Variants in SRRM3 observed in about 807,000 individuals in gnomAD.
SRRM3 encodes the protein serine/arginine repetitive matrix protein 3.
In SRRM3, 27 loss-of-function variants were observed where a neutral mutation model predicts 66.2. The ratio of observed to expected loss-of-function variants is 0.41; its 90% confidence interval spans 0.30 to 0.56. SRRM3 has a LOEUF of 0.56. SRRM3 is among the 20% of genes least tolerant of loss of function. The probability of loss-of-function intolerance (pLI) is 0.32; values close to 1 mark genes in which losing one functional copy is unlikely to be tolerated. For missense variants in SRRM3, 918 were observed against 991.9 expected, an observed-to-expected ratio of 0.93 and a Z score of 1.00; for synonymous variants, 391 against 414.9, an observed-to-expected ratio of 0.94 and a Z score of 0.70.
intron 11 of SRRM3, among the ~76,000 whole-genome samples, chr7:76,279,979 T>C (rs1296656241): frequency 6.6e-6 from 1 of 152,054 alleles, no homozygotes; most frequent in Non-Finnish European, 1.5e-5. Context: ...TCTATCTCTC[T>C]TGCATTTTTG....
intron 6 of SRRM3, 76 bp from the exon 7 acceptor site, chr7:76,261,276 C>T (rs1554608660): frequency 1.1e-6 from 1 of 915,908 alleles, no homozygotes; most frequent in African/African-American, 1.7e-5. Context: ...GTCCCAAGCA[C>T]CCAGGTCTCT....
intron 3 of SRRM3, among the ~76,000 whole-genome samples, chr7:76,252,051 A>G (rs2117036117): frequency 6.6e-6 from 1 of 152,336 alleles, no homozygotes; most frequent in African/African-American, 2.4e-5. Flanking sequence ...AGCCTTGGCA[A>G]CAGAATAAGG....
chr7:76,272,651 C>CA (rs1324641098), intron 11 of SRRM3, among the ~76,000 whole-genome samples: 18 of 150,382 alleles, frequency 1.2e-4, no homozygotes, highest in South Asian at 4.2e-4. Flanking sequence ...GACTCCATCT[C>CA]AAAAAAAAAC....
At chr7:76,207,430 A>AGT (rs1461938340) in intron 1 of SRRM3, among the ~76,000 whole-genome samples, 1 of 152,140 alleles carries the variant, frequency 6.6e-6, no homozygotes, top group Non-Finnish European at 1.5e-5. Flanking sequence ...AAAGACAACC[A>AGT]CTTTGAACAC....
intron 12 of SRRM3, 103 bp downstream of exon 12, chr7:76,281,905 A>T: frequency 1.1e-6 from 1 of 917,302 alleles, no homozygotes; most frequent in Non-Finnish European, 1.3e-6. Context: ...GCGCTGAGCT[A>T]CCCTCCAGGG....
At chr7:76,266,304 A>G (rs1233046998) in intron 10 of SRRM3, among the ~76,000 whole-genome samples, 2 of 115,264 alleles carry the variant, frequency 1.7e-5, no homozygotes, top group Non-Finnish European at 3.3e-5. Context: ...TTTAATATAA[A>G]TATTAACATA....
In SRRM3 at chr7:76,285,895, C is replaced by T. The variant is rs528111865; in HGVS notation, c.*52C>T. The stretch of plus-strand genomic sequence containing the variant: ...CCCTGGCACTGGGAGAGGCGAGGGG[C>T]GGGCCCCAGGACCCCAGTGGGGAGG... On this transcript the variant is annotated 3_prime_UTR_variant, in exon 15 of 15. Coordinates refer to ENST00000611745, the MANE Select transcript of SRRM3 (RefSeq NM_001110199.3). The surrounding 1 kb of genome is among the most constrained non-coding windows in gnomAD (Gnocchi z 4.1). 1.3e-5 allele frequency: 19 copies of T among 1,504,406 alleles called. No homozygotes were observed. The highest frequency in any genetic ancestry group is 1.8e-4 in the Middle Eastern group (1 of 5,698). 93.2% of individuals were successfully genotyped at this position (1,504,406 alleles called of 1,614,324 possible). A position where few individuals can be genotyped will look rare whatever the true frequency, so the allele number is the denominator to read the frequency against.
chr7:76,284,361 A>G (rs1290634096), intron 14 of SRRM3, among the ~76,000 whole-genome samples: 2 of 151,952 alleles, frequency 1.3e-5, no homozygotes, highest in Non-Finnish European at 2.9e-5. Context: ...TATTTTTAGT[A>G]GAGACGGGGT....
intron 3 of SRRM3, among the ~76,000 whole-genome samples, chr7:76,256,144 G>A (rs1486556713): frequency 2.0e-5 from 3 of 152,148 alleles, no homozygotes; most frequent in Non-Finnish European, 4.4e-5. Context: ...TCTCACTCAA[G>A]AAAGACTTCA....
intron 1 of SRRM3, among the ~76,000 whole-genome samples, chr7:76,210,873 G>A (rs782217739): frequency 2.2e-4 from 33 of 151,916 alleles, no homozygotes; most frequent in Non-Finnish European, 3.7e-4. Flanking sequence ...GGCAATCTCC[G>A]CTCACTGCAA....
intron 1 of SRRM3, among the ~76,000 whole-genome samples, chr7:76,219,447 T>G (rs186713310): frequency 6.6e-6 from 1 of 152,296 alleles, no homozygotes; most frequent in East Asian, 1.9e-4. Context: ...TCAGTGATGC[T>G]CCAGCCCCCA....
At chr7:76,216,310 G>C (rs1800570684) in intron 1 of SRRM3, among the ~76,000 whole-genome samples, 1 of 152,028 alleles carries the variant, frequency 6.6e-6, no homozygotes, top group Non-Finnish European at 1.5e-5. Flanking sequence ...GCCTCCCAAA[G>C]TGCTGGGATT....
chr7:76,211,567 G>A (rs1371653560), intron 1 of SRRM3, among the ~76,000 whole-genome samples: 2 of 152,132 alleles, frequency 1.3e-5, no homozygotes, highest in East Asian at 1.9e-4. Context: ...TGGACAGATG[G>A]AGACAACAGG....
At chr7:76,220,841 C>G (rs1449451569) in intron 1 of SRRM3, among the ~76,000 whole-genome samples, 4 of 152,300 alleles carry the variant, frequency 2.6e-5, no homozygotes, top group African/African-American at 9.6e-5. Flanking sequence ...GCAGGGGCAG[C>G]AGGAAGCTCC....
chr7:76,240,375 C>G (rs1801253893), intron 2 of SRRM3, among the ~76,000 whole-genome samples: 1 of 152,022 alleles, frequency 6.6e-6, no homozygotes, highest in African/African-American at 2.4e-5. Flanking sequence ...AATCCCAGCA[C>G]TTTGGGAGGC....
intron 1 of SRRM3, among the ~76,000 whole-genome samples, chr7:76,206,659 C>T (rs547360627): frequency 3.6e-4 from 55 of 152,326 alleles, no homozygotes; most frequent in African/African-American, 1.3e-3. Flanking sequence ...TTCAGGCTGC[C>T]TCACTGACTG....
chr7:76,265,240 T>G (rs544453280), intron 9 of SRRM3, 124 bp from the exon 10 acceptor site: 1 of 627,876 alleles, frequency 1.6e-6, no homozygotes, highest in South Asian at 2.2e-5. Flanking sequence ...TTTAGGGGAC[T>G]GATGAACACT....
At chr7:76,281,293 G>T in intron 11 of SRRM3, 148 bp from the exon 12 acceptor site, 1 of 482,650 alleles carries the variant, frequency 2.1e-6, no homozygotes, top group Non-Finnish European at 3.0e-6. Flanking sequence ...TTCTGTCTCT[G>T]TCTCTCCCTC....
intron 1 of SRRM3, among the ~76,000 whole-genome samples, chr7:76,207,182 G>A (rs537367375): frequency 2.6e-5 from 4 of 152,272 alleles, no homozygotes; most frequent in African/African-American, 9.6e-5. Context: ...CGTGCCTGTA[G>A]TCCCAGCTAC....
Sources: gnomAD v4.1 joint callset for allele counts (sites outside exome capture counted in the v4.1 genomes callset) on GRCh38, gnomAD v4.1.1 for gene constraint, Gnocchi (gnomAD v3.1) non-coding constraint, MANE v1.5 for transcripts, NCBI Gene and HGNC (gene_info 2026-07-23, HGNC 2026-07-21) for gene names.